Variants in SLC24A3 observed in about 807,000 individuals in gnomAD.
SLC24A3 encodes solute carrier family 24 member 3.
In SLC24A3, 28 loss-of-function variants were observed where a neutral mutation model predicts 75.8. That is an observed-to-expected ratio of 0.37 (90% CI 0.27 to 0.51). SLC24A3 has a LOEUF of 0.51. SLC24A3 is among the 20% of genes least tolerant of loss of function. SLC24A3 has a pLI of 0.94. For synonymous variants in SLC24A3, 372 were observed against 334.1 expected (o/e 1.11, Z -1.24); for missense variants, 663 against 847.8 (o/e 0.78, Z 2.71).
At chr20:19,691,593 C>T (rs997141179) in intron 12 of SLC24A3, among the ~76,000 whole-genome samples, 1 of 152,094 alleles carries the variant, frequency 6.6e-6, no homozygotes, top group Admixed American at 6.5e-5. Context: ...GCAGTAGTCC[C>T]CGTAGGAAGC....
intron 2 of SLC24A3, among the ~76,000 whole-genome samples, chr20:19,470,151 G>A (rs1270232653): frequency 6.6e-6 from 1 of 152,196 alleles, no homozygotes; most frequent in African/African-American, 2.4e-5. Context: ...GCCGGTTAGA[G>A]ATTTACACTG....
At chr20:19,397,820 T>A (rs1056579707) in intron 2 of SLC24A3, among the ~76,000 whole-genome samples, 2 of 152,040 alleles carry the variant, frequency 1.3e-5, no homozygotes, top group Non-Finnish European at 2.9e-5. Context: ...AGGGCTGTTG[T>A]GTGAGAGTCT....
At chr20:19,673,473 G>A (rs551474484) in intron 8 of SLC24A3, 128 bp from the exon 9 acceptor site, 228 of 732,974 alleles carry the variant, frequency 3.1e-4, no homozygotes, top group East Asian at 3.0e-3. Context: ...GGAAATATCC[G>A]TCACCTAGCA....
intron 2 of SLC24A3, among the ~76,000 whole-genome samples, chr20:19,446,473 G>C (rs1987386897): frequency 6.6e-6 from 1 of 152,188 alleles, no homozygotes; most frequent in Non-Finnish European, 1.5e-5. Flanking sequence ...TGTTGTCAAG[G>C]GATTTATCTT....
chr20:19,325,732 A>ATG lies in SLC24A3; in HGVS notation c.271+44665_271+44666dup, dbSNP rs552339138. On this transcript the variant is annotated intron_variant, in intron 2 of 16. Transcript: ENST00000328041. ...TATTTGCAAATATGCATATATATAT[A>ATG]TGTGTGTGTGTGTGTGTGTGTATAC... 5.2e-3 allele frequency among the ~76,000 whole-genome samples: 398 copies of ATG among 75,910 alleles called. 3 individuals carry two copies. The highest frequency in any genetic ancestry group is 0.011 in the Middle Eastern group (1 of 88). The allele number at this position is 75,910 out of a possible 152,430, so 49.8% of individuals were successfully genotyped here.
intron 3 of SLC24A3, among the ~76,000 whole-genome samples, chr20:19,554,422 T>C (rs1432307432): frequency 6.6e-6 from 1 of 152,140 alleles, no homozygotes; most frequent in Non-Finnish European, 1.5e-5. Context: ...CTAACAGAGT[T>C]TGTGGAGAGA....
intron 3 of SLC24A3, among the ~76,000 whole-genome samples, chr20:19,521,306 T>A (rs2122564315): frequency 6.6e-6 from 1 of 152,260 alleles, no homozygotes; most frequent in South Asian, 2.1e-4. Context: ...AGTCTCTAAT[T>A]ATTGGGCCAG....
At chr20:19,337,707 C>T (rs1985168012) in intron 2 of SLC24A3, among the ~76,000 whole-genome samples, 1 of 152,118 alleles carries the variant, frequency 6.6e-6, no homozygotes, top group Non-Finnish European at 1.5e-5. Context: ...TTTACTATGG[C>T]TTATGAGTCC....
chr20:19,653,435 G>A (rs1402210405), intron 6 of SLC24A3, among the ~76,000 whole-genome samples: 7 of 152,202 alleles, frequency 4.6e-5, no homozygotes, highest in African/African-American at 1.7e-4. Flanking sequence ...ATGCCAGCAA[G>A]GCCAGGCATA....
At chr20:19,216,538 G>T (rs931541014) in intron 1 of SLC24A3, among the ~76,000 whole-genome samples, 1 of 152,060 alleles carries the variant, frequency 6.6e-6, no homozygotes, top group African/African-American at 2.4e-5. Flanking sequence ...GAGCCCAGAA[G>T]ACTGAGGTTG....
At chr20:19,299,994 C>T (rs1389176379) in intron 2 of SLC24A3, among the ~76,000 whole-genome samples, 1 of 152,192 alleles carries the variant, frequency 6.6e-6, no homozygotes, top group Non-Finnish European at 1.5e-5. Context: ...GTGGACACAT[C>T]CAACTCAGTG....
chr20:19,267,258 GTTTAT>G (rs1036501998), intron 1 of SLC24A3, among the ~76,000 whole-genome samples: 2 of 152,066 alleles, frequency 1.3e-5, no homozygotes, highest in African/African-American at 2.4e-5. Context: ...ATTTAAGGTT[GTTTAT>G]TTTAAGTTTG....
intron 2 of SLC24A3, among the ~76,000 whole-genome samples, chr20:19,304,168 A>G (rs1416606620): frequency 6.6e-6 from 1 of 152,238 alleles, no homozygotes; most frequent in Non-Finnish European, 1.5e-5. Flanking sequence ...TCTTTAATAC[A>G]TAGGCTTTGA....
chr20:19,621,033 T>A (rs2031797370), intron 6 of SLC24A3, among the ~76,000 whole-genome samples: 1 of 152,228 alleles, frequency 6.6e-6, no homozygotes, highest in Non-Finnish European at 1.5e-5. Flanking sequence ...TGCCTTAAGA[T>A]CATCTATTTT....
intron 9 of SLC24A3, among the ~76,000 whole-genome samples, chr20:19,681,276 T>C (rs755484830): frequency 2.6e-4 from 39 of 152,162 alleles, no homozygotes; most frequent in Non-Finnish European, 4.9e-4. Flanking sequence ...GATCTGAAAC[T>C]TAGGCACGAT....
chr20:19,465,242 T>C (rs972730513), intron 2 of SLC24A3, among the ~76,000 whole-genome samples: 1 of 151,926 alleles, frequency 6.6e-6, no homozygotes, highest in Admixed American at 6.5e-5. Context: ...GGGCAGCAAG[T>C]TGGGAGGGTG....
chr20:19,435,206 GA>G (rs1987177154), intron 2 of SLC24A3, among the ~76,000 whole-genome samples: 1 of 152,188 alleles, frequency 6.6e-6, no homozygotes. Context: ...ACCAGCTGCA[GA>G]AAGTTGGGAA....
At chr20:19,347,336 G>A (rs537881407) in intron 2 of SLC24A3, among the ~76,000 whole-genome samples, 1 of 152,282 alleles carries the variant, frequency 6.6e-6, no homozygotes, top group South Asian at 2.1e-4. Flanking sequence ...CTCATAAAAT[G>A]TAGAACATCA....
chr20:19,624,141 T>C (rs1473843623), intron 6 of SLC24A3, among the ~76,000 whole-genome samples: 3 of 152,206 alleles, frequency 2.0e-5, no homozygotes, highest in South Asian at 4.1e-4. Flanking sequence ...TAAGCTATTG[T>C]TTTCAAGTAT....
Sources: allele counts gnomAD v4.1 joint callset (sites outside exome capture counted in the v4.1 genomes callset), GRCh38; gene constraint gnomAD v4.1.1; transcripts MANE v1.5; gene names NCBI Gene and HGNC (gene_info 2026-07-23, HGNC 2026-07-21).